The following ARCN1 variants were observed in gnomAD, a reference collection of about 807,000 sequenced individuals.
ARCN1 encodes coatomer subunit delta.
ARCN1 carries 5 observed loss-of-function variants against 60.4 expected under a neutral mutation model. The ratio of observed to expected loss-of-function variants is 0.08; its 90% CI spans 0.04 to 0.17. ARCN1 has a LOEUF of 0.17. ARCN1 is among the 10% of genes least tolerant of loss of function. The pLI is 1.00. For missense variants in ARCN1, 464 were observed against 626.5 expected (o/e 0.74, Z 2.77); for synonymous variants, 224 against 220.0 (o/e 1.02, Z -0.16).
At chr11:118,586,512 C>G (rs1555075517) in intron 5 of ARCN1, among the ~76,000 whole-genome samples, 1 of 152,086 alleles carries the variant, frequency 6.6e-6, no homozygotes, top group Admixed American at 6.6e-5. Flanking sequence ...TTGAGTGAGA[C>G]AGAGGCTTCA....
chr11:118,590,886 C>T (rs559694953), intron 6 of ARCN1, among the ~76,000 whole-genome samples: 22 of 152,198 alleles, frequency 1.4e-4, no homozygotes, highest in Non-Finnish European at 2.8e-4. Flanking sequence ...AGTGTGGTGG[C>T]TCATGCCTAT....
intron 1 of ARCN1, 101 bp downstream of exon 1, chr11:118,572,651 G>A: frequency 1.4e-6 from 2 of 1,468,622 alleles, no homozygotes; most frequent in East Asian, 2.5e-5. Flanking sequence ...CGCCCTGAGG[G>A]TCTAGGGCAG....
intron 6 of ARCN1, among the ~76,000 whole-genome samples, chr11:118,592,385 C>A (rs1394811393): frequency 2.0e-5 from 3 of 152,104 alleles, no homozygotes; most frequent in African/African-American, 7.2e-5. Flanking sequence ...CAAACCTGGC[C>A]CCACCATGAA....
chr11:118,592,583 G>A, intron 6 of ARCN1, 126 bp from the exon 7 acceptor site: 1 of 638,710 alleles, frequency 1.6e-6, no homozygotes, highest in East Asian at 2.7e-5. Flanking sequence ...TCTTCAAAAT[G>A]AAAAAGAATT....
intron 1 of ARCN1, among the ~76,000 whole-genome samples, chr11:118,576,450 C>A (rs111940618): frequency 0.086 from 3,740 of 43,444 alleles, 172 homozygotes; most frequent in African/African-American, 0.22. Context: ...AAAAAAAAAA[C>A]CAAAAACTTT....
intron 2 of ARCN1, among the ~76,000 whole-genome samples, 164 bp downstream of exon 2, chr11:118,581,673 G>T (rs1938652790): frequency 6.6e-6 from 1 of 152,010 alleles, no homozygotes; most frequent in Non-Finnish European, 1.5e-5. Context: ...ACATTTATTG[G>T]GTGTCCTCTT....
At position 118,592,582 on chromosome 11, in the gene ARCN1, T is replaced by G. The variant is rs563764879; in HGVS notation, c.985-127T>G. The G allele has an allele frequency of 1.3e-5, 8 of 635,578 alleles. No individual in the cohort carries two copies. The African/African-American group carries it at 1.3e-4, about 10-fold the overall frequency. The allele number at this position is 635,578 out of a possible 1,614,324, so 39.4% of individuals were successfully genotyped here. On this transcript the variant is annotated intron_variant, in intron 6 of 9. Coordinates refer to ENST00000264028, the MANE Select transcript of ARCN1 (RefSeq NM_001655.5). Reference sequence around the variant, plus strand: ...GAAGAAGGGAAATCTTTCTTCAAAATGAAAAAGAATTGGAATTTGTTAGGT... The same window carrying G: ...GAAGAAGGGAAATCTTTCTTCAAAAGGAAAAAGAATTGGAATTTGTTAGGT...
intron 1 of ARCN1, chr11:118,572,794 T>A: frequency 2.1e-6 from 1 of 466,344 alleles, no homozygotes. Flanking sequence ...CTGGACTCCC[T>A]CGTTTGCTGG....
rs1939132115 is a variant in ARCN1, at chr11:118,600,857, C to T, written c.*143C>T. The T allele has an allele frequency of 1.8e-6, 1 of 542,580 alleles. No homozygotes were observed. The highest frequency in any genetic ancestry group is 2.0e-5 in the African/African-American group (1 of 50,624). 33.6% of individuals were successfully genotyped at this position (542,580 alleles called of 1,614,324 possible). A position where few individuals can be genotyped will look rare whatever the true frequency, so the allele number is the denominator to read the frequency against. The stretch of plus-strand genomic sequence containing the variant: ...ATGCACGATTCTCTGCGCGCAAGGA[C>T]CCTCGACTCACCCCCATGTTTCAGT... On this transcript the variant is annotated 3_prime_UTR_variant, in exon 10 of 10. Transcript: ENST00000264028.
At chr11:118,597,223 G>A (rs1472351906) in intron 8 of ARCN1, among the ~76,000 whole-genome samples, 5 of 152,054 alleles carry the variant, frequency 3.3e-5, no homozygotes, top group Non-Finnish European at 7.4e-5. Context: ...AAATGAACAA[G>A]AAAACAAATT....
In ARCN1 at chr11:118,602,258, A is replaced by G. The variant is rs1177012661; in HGVS notation, c.*1544A>G. The G allele has an allele frequency of 6.5e-6, 1 of 154,026 alleles. No individual in the cohort carries two copies. The highest frequency in any genetic ancestry group is 2.4e-5 in the African/African-American group (1 of 41,164). 9.5% of individuals were successfully genotyped at this position (154,026 alleles called of 1,614,324 possible). On this transcript the variant is annotated 3_prime_UTR_variant, in exon 10 of 10. Coordinates refer to ENST00000264028, the MANE Select transcript of ARCN1 (RefSeq NM_001655.5). ...GAAATCCTTCCTTCTCTTTCCCCCTAAGTCTTTTGAGTGTCATCATGTACT... is the reference window on the plus strand; with the variant it reads ...GAAATCCTTCCTTCTCTTTCCCCCTGAGTCTTTTGAGTGTCATCATGTACT...
At chr11:118,585,626 G>A (rs924287280) in intron 5 of ARCN1, among the ~76,000 whole-genome samples, 1 of 151,820 alleles carries the variant, frequency 6.6e-6, no homozygotes, top group African/African-American at 2.4e-5. Context: ...TGCAACCTCT[G>A]CCTCCCAGGT....
chr11:118,575,999 G>C (rs1417862668), intron 1 of ARCN1, among the ~76,000 whole-genome samples: 12 of 149,420 alleles, frequency 8.0e-5, no homozygotes, highest in Non-Finnish European at 1.5e-4. Flanking sequence ...TGTTACTGTA[G>C]TTTTCAAATG....
chr11:118,597,629 A>G, intron 8 of ARCN1, 78 bp from the exon 9 acceptor site: 1 of 1,503,452 alleles, frequency 6.7e-7, no homozygotes, highest in Non-Finnish European at 9.1e-7. Flanking sequence ...GGGATCATAT[A>G]TCAAATTTGG....
chr11:118,582,113 T>C (rs1289261735), intron 2 of ARCN1, among the ~76,000 whole-genome samples: 2 of 151,652 alleles, frequency 1.3e-5, no homozygotes, highest in South Asian at 2.1e-4. Context: ...CATTATACTT[T>C]AGTGTGGGCA....
intron 6 of ARCN1, among the ~76,000 whole-genome samples, chr11:118,591,993 T>C (rs1308907453): frequency 6.6e-6 from 1 of 151,500 alleles, no homozygotes; most frequent in Non-Finnish European, 1.5e-5. Context: ...TGATCTCGGC[T>C]CACCGCAACC....
At chr11:118,577,002 T>C (rs560110968) in intron 1 of ARCN1, among the ~76,000 whole-genome samples, 33 of 152,136 alleles carry the variant, frequency 2.2e-4, no homozygotes, top group African/African-American at 6.3e-4. Context: ...CTGGGCAACA[T>C]GGCAAAACCC....
chr11:118,597,499 A>G (rs527506855), intron 8 of ARCN1, among the ~76,000 whole-genome samples: 1 of 152,192 alleles, frequency 6.6e-6, no homozygotes, highest in Non-Finnish European at 1.5e-5. Flanking sequence ...CATATTAACT[A>G]TATCTACAGA....
chr11:118,601,757 A>T lies in ARCN1; in HGVS notation c.*1043A>T, dbSNP rs1555078203. 1 of 702,506 alleles carries T rather than the reference A, an allele frequency of 1.4e-6. No homozygotes were observed. Among genetic ancestry groups the T allele is most frequent in the African/African-American group, 1.7e-5 (1 of 57,218 alleles). The allele number at this position is 702,506 out of a possible 1,614,324, so 43.5% of individuals were successfully genotyped here. A position where few individuals can be genotyped will look rare whatever the true frequency, so the allele number is the denominator to read the frequency against. On this transcript the variant is annotated 3_prime_UTR_variant, in exon 10 of 10. Coordinates refer to ENST00000264028, the MANE Select transcript of ARCN1 (RefSeq NM_001655.5). ...AGTACCATGAATCCCACTTGTGTCA[A>T]TATTAAAGATAGCTGAGAAGCACCT... is the stretch of plus-strand genomic sequence containing the variant.
Sources: allele counts gnomAD v4.1 joint callset (sites outside exome capture counted in the v4.1 genomes callset), GRCh38; gene constraint gnomAD v4.1.1; transcripts MANE v1.5; gene names NCBI Gene and HGNC (gene_info 2026-07-23, HGNC 2026-07-21).